Variants in ADAM18 observed in about 807,000 individuals in gnomAD.
The protein encoded by ADAM18 is disintegrin and metalloproteinase domain-containing protein 18.
ADAM18 carries 117 observed loss-of-function variants against 94.4 expected under a neutral mutation model. The ratio of observed to expected loss-of-function variants is 1.24; its 90% CI spans 1.07 to 1.45. ADAM18 has a LOEUF of 1.45. Ranked by LOEUF, ADAM18 falls within the 40% of genes most tolerant of loss-of-function variation. The probability of loss-of-function intolerance (pLI) is 0.00; values close to 1 mark genes in which losing one functional copy is unlikely to be tolerated. For missense variants in ADAM18, 936 were observed against 880.0 expected, an observed-to-expected ratio of 1.06 and a Z score of -0.81; for synonymous variants, 327 against 291.6, an observed-to-expected ratio of 1.12 and a Z score of -1.24.
intron 7 of ADAM18, among the ~76,000 whole-genome samples, chr8:39,635,865 G>C (rs1030530130): frequency 6.6e-6 from 1 of 152,062 alleles, no homozygotes; most frequent in Non-Finnish European, 1.5e-5. Context: ...ACCTTTTCTT[G>C]TTAAGCTGTT....
At chr8:39,639,452 G>A (rs1282631106) in intron 10 of ADAM18, among the ~76,000 whole-genome samples, 2 of 151,958 alleles carry the variant, frequency 1.3e-5, no homozygotes, top group East Asian at 1.9e-4. Flanking sequence ...CTTTTACCAC[G>A]TATTTCTTAA....
At chr8:39,612,491 TGGA>T (rs926939558) in intron 6 of ADAM18, among the ~76,000 whole-genome samples, 3 of 152,066 alleles carry the variant, frequency 2.0e-5, no homozygotes, top group African/African-American at 4.8e-5. Context: ...GAGAGCTGCT[TGGA>T]GAAGTGGCAG....
chr8:39,588,072 A>T (rs946271826), intron 2 of ADAM18, among the ~76,000 whole-genome samples: 2 of 152,152 alleles, frequency 1.3e-5, no homozygotes, highest in African/African-American at 4.8e-5. Context: ...TTGCTGGATT[A>T]TATGGTAGTT....
At chr8:39,688,030 A>C (rs995836928) in intron 16 of ADAM18, among the ~76,000 whole-genome samples, 7 of 152,150 alleles carry the variant, frequency 4.6e-5, no homozygotes, top group Admixed American at 4.6e-4. Context: ...TTTTAAGTTC[A>C]AGGAGTAATT....
At chr8:39,626,909 C>G (rs1057116839) in intron 6 of ADAM18, among the ~76,000 whole-genome samples, 1 of 151,876 alleles carries the variant, frequency 6.6e-6, no homozygotes, top group African/African-American at 2.4e-5. Flanking sequence ...TGTGTTAGGT[C>G]CATTTGTTCT....
rs781118365 is a variant in ADAM18, at chr8:39,645,406, A to G, written c.978A>G (p.Gly326=). ...CTCAACTGCTTGGCCTTAATGTAGG[A>G]TTAACATATGATGACATCACTCAGT... ...IIAQLLGLNV[G]LTYDDITQCF... is the part of the protein sequence containing the mutation. The change falls in exon 11 of 20, where the codon GGA becomes GGG. Residue 326 remains glycine, a synonymous_variant. Transcript: ENST00000265707. 6.2e-7 allele frequency: 1 copy of G among 1,612,730 alleles called. No individual in the cohort carries two copies. Among genetic ancestry groups the G allele is most frequent in the Non-Finnish European group, 8.5e-7 (1 of 1,179,362 alleles).
chr8:39,609,254 A>G lies in ADAM18; in HGVS notation c.267+134A>G, dbSNP rs1819190276. On this transcript the variant is annotated intron_variant, in intron 4 of 19. Coordinates refer to ENST00000265707, the MANE Select transcript of ADAM18 (RefSeq NM_014237.3). ...ACTGACTTTTGTACATAGAAATGGC[A>G]TGTGATAGAGATGAAACCCAGCTGC... 8.0e-6 allele frequency: 6 copies of G among 751,042 alleles called. No individual in the cohort carries two copies. The South Asian group carries it at 1.0e-4, about 13-fold the overall frequency. The allele number at this position is 751,042 out of a possible 1,614,324, so 46.5% of individuals were successfully genotyped here. A position where few individuals can be genotyped will look rare whatever the true frequency, so the allele number is the denominator to read the frequency against.
chr8:39,645,267 G>A (rs1197573923), intron 10 of ADAM18, 71 bp from the exon 11 acceptor site: 19 of 1,336,240 alleles, frequency 1.4e-5, no homozygotes, highest in Non-Finnish European at 1.8e-5. Context: ...TATGATAGGA[G>A]TAAAAATATT....
At chr8:39,640,431 G>T (rs935923199) in intron 10 of ADAM18, among the ~76,000 whole-genome samples, 2 of 151,910 alleles carry the variant, frequency 1.3e-5, no homozygotes, top group African/African-American at 4.8e-5. Flanking sequence ...GTCTATCTTG[G>T]TGGCCATTTG....
In ADAM18 at chr8:39,729,969, C is replaced by A. The variant is rs375244118; in HGVS notation, c.*29C>A. 1 of 1,593,680 alleles carries A rather than the reference C, an allele frequency of 6.3e-7. No individual in the cohort carries two copies. Among genetic ancestry groups the A allele is most frequent in the Admixed American group, 1.7e-5 (1 of 59,886 alleles). ...TGCACAGAACTTCCATAGCAAATAA[C>A]CTAAAGGAACGAATGTGCTTTATTT... is the stretch of plus-strand genomic sequence containing the variant. On this transcript the variant is annotated 3_prime_UTR_variant, in exon 20 of 20. Coordinates refer to ENST00000265707, the MANE Select transcript of ADAM18 (RefSeq NM_014237.3).
At chr8:39,669,670 T>C (rs1821099074) in intron 14 of ADAM18, among the ~76,000 whole-genome samples, 1 of 152,098 alleles carries the variant, frequency 6.6e-6, no homozygotes, top group Non-Finnish European at 1.5e-5. Flanking sequence ...CTGCATAGTA[T>C]TCCATGGTGT....
chr8:39,706,250 C>T (rs949464076), intron 17 of ADAM18, among the ~76,000 whole-genome samples: 1 of 151,868 alleles, frequency 6.6e-6, no homozygotes, highest in Non-Finnish European at 1.5e-5. Flanking sequence ...TTGCTTTGCA[C>T]GTATGTTATT....
chr8:39,677,205 T>C (rs1236339256), intron 14 of ADAM18, among the ~76,000 whole-genome samples: 2 of 152,186 alleles, frequency 1.3e-5, no homozygotes, highest in Admixed American at 1.3e-4. Flanking sequence ...GAGAAACATA[T>C]TGTTTTAAAA....
intron 6 of ADAM18, among the ~76,000 whole-genome samples, chr8:39,620,501 G>A (rs1412593495): frequency 6.8e-6 from 1 of 147,522 alleles, no homozygotes; most frequent in Non-Finnish European, 1.5e-5. Context: ...ATTTGAACAG[G>A]TAAACATACT....
chr8:39,712,037 C>CA (rs1180152861), intron 18 of ADAM18, among the ~76,000 whole-genome samples: 4 of 144,348 alleles, frequency 2.8e-5, no homozygotes, highest in African/African-American at 7.8e-5. Context: ...AGAAGGCCCC[C>CA]CCCCGAGAAA....
intron 6 of ADAM18, chr8:39,611,713 C>A: frequency 1.8e-6 from 1 of 568,934 alleles, no homozygotes; most frequent in Non-Finnish European, 2.2e-6. Flanking sequence ...CAGATTAAAT[C>A]ATTATCCAAC....
intron 18 of ADAM18, 82 bp from the exon 19 acceptor site, chr8:39,723,666 C>A (rs539318064): frequency 3.0e-6 from 3 of 1,016,804 alleles, no homozygotes; most frequent in East Asian, 6.1e-5. Flanking sequence ...TATATATACA[C>A]GTATATGATT....
chr8:39,664,158 T>C (rs1168576997), intron 13 of ADAM18, among the ~76,000 whole-genome samples: 3 of 152,228 alleles, frequency 2.0e-5, no homozygotes, highest in African/African-American at 7.2e-5. Context: ...ATTAGCATGA[T>C]GCATGTGAGA....
At chr8:39,625,015 G>T (rs1437944804) in intron 6 of ADAM18, among the ~76,000 whole-genome samples, 1 of 152,050 alleles carries the variant, frequency 6.6e-6, no homozygotes, top group East Asian at 1.9e-4. Flanking sequence ...AAATTGCTTT[G>T]GCTATTCAGG....
Sources: allele counts gnomAD v4.1 joint callset (sites outside exome capture counted in the v4.1 genomes callset), GRCh38; gene constraint gnomAD v4.1.1; transcripts MANE v1.5; gene names NCBI Gene and HGNC (gene_info 2026-07-23, HGNC 2026-07-21).